WDR59: variants seen among roughly 807,000 people sequenced by gnomAD.
WDR59 encodes GATOR2 complex protein WDR59.
In WDR59, 100 loss-of-function variants were observed where a neutral mutation model predicts 131.2. That is an observed-to-expected ratio of 0.76 (90% CI 0.65 to 0.90). The LOEUF (loss-of-function observed/expected upper bound fraction) is 0.90. Among genes scored for constraint, WDR59 ranks in the 40% least tolerant of loss-of-function variants. WDR59 has a pLI of 0.00. For missense variants in WDR59, 1,203 were observed against 1,262.2 expected, an observed-to-expected ratio of 0.95 and a Z score of 0.71; for synonymous variants, 601 against 466.2, an observed-to-expected ratio of 1.29 and a Z score of -3.72.
intron 2 of WDR59, chr16:74,959,674 G>C: frequency 2.9e-6 from 1 of 346,796 alleles, no homozygotes; most frequent in South Asian, 2.4e-5. Flanking sequence ...CCCAGCTACT[G>C]AGAAGGCTGA....
chr16:74,922,374 G>C (rs2030329844), intron 9 of WDR59, among the ~76,000 whole-genome samples: 1 of 152,154 alleles, frequency 6.6e-6, no homozygotes, highest in Non-Finnish European at 1.5e-5. Flanking sequence ...AAATGGTACT[G>C]ATTGCTATGC....
chr16:74,921,186 A>C (rs1009147039), intron 10 of WDR59, among the ~76,000 whole-genome samples: 3 of 152,044 alleles, frequency 2.0e-5, no homozygotes, highest in African/African-American at 7.2e-5. Context: ...AGATTATTTC[A>C]TCACCCAGGT....
intron 3 of WDR59, among the ~76,000 whole-genome samples, chr16:74,952,767 TTATA>T (rs138680098): frequency 6.8e-6 from 1 of 147,562 alleles, no homozygotes; most frequent in Non-Finnish European, 1.5e-5. Context: ...ATTTTTTAAA[TTATA>T]TATATATATA....
chr16:74,889,087 G>A (rs1322365154), intron 21 of WDR59, among the ~76,000 whole-genome samples: 1 of 152,224 alleles, frequency 6.6e-6, no homozygotes, highest in Non-Finnish European at 1.5e-5. Flanking sequence ...ACGAACACGT[G>A]TCCCAGGGGT....
intron 11 of WDR59, among the ~76,000 whole-genome samples, chr16:74,916,847 A>C (rs1239340308): frequency 7.6e-6 from 1 of 132,408 alleles, no homozygotes; most frequent in African/African-American, 2.7e-5. Flanking sequence ...CAACAGAGAG[A>C]GACTCCATCT....
At chr16:74,903,419 C>T (rs1393889804) in intron 18 of WDR59, among the ~76,000 whole-genome samples, 1 of 151,806 alleles carries the variant, frequency 6.6e-6, no homozygotes, top group Non-Finnish European at 1.5e-5. Context: ...AAACTAGGCA[C>T]ATAAGGACAA....
intron 21 of WDR59, 76 bp from the exon 22 acceptor site, chr16:74,888,395 G>T (rs1964878212): frequency 1.4e-6 from 2 of 1,443,818 alleles, no homozygotes; most frequent in Non-Finnish European, 1.9e-6. Flanking sequence ...GTCATGGCGT[G>T]TTACTGCCAC....
intron 2 of WDR59, among the ~76,000 whole-genome samples, chr16:74,964,582 G>A (rs1430629540): frequency 6.6e-6 from 1 of 151,758 alleles, no homozygotes. Context: ...TTTTAAAAAA[G>A]GTAAATTAAA....
chr16:74,935,946 G>A (rs559999336), intron 8 of WDR59, among the ~76,000 whole-genome samples: 6 of 150,882 alleles, frequency 4.0e-5, no homozygotes, highest in Admixed American at 2.0e-4. Context: ...GCAGTGAGCC[G>A]AGATCGCGCC....
chr16:74,943,238 C>T (rs2032367709), intron 6 of WDR59, among the ~76,000 whole-genome samples: 1 of 120,880 alleles, frequency 8.3e-6, no homozygotes, highest in Non-Finnish European at 1.7e-5. Flanking sequence ...TATGCCTGCC[C>T]CCTTTTTTTT....
intron 6 of WDR59, among the ~76,000 whole-genome samples, chr16:74,945,833 T>G (rs886082946): frequency 3.3e-5 from 5 of 151,706 alleles, no homozygotes; most frequent in African/African-American, 1.2e-4. Context: ...TTTTTTTTTT[T>G]TTGAGACAGA....
chr16:74,955,429 G>A (rs987314731), intron 3 of WDR59, among the ~76,000 whole-genome samples: 4 of 152,086 alleles, frequency 2.6e-5, no homozygotes, highest in Non-Finnish European at 4.4e-5. Context: ...ATCAGGGGCC[G>A]AGGGTGAGAG....
chr16:74,916,126 C>T lies in WDR59; in HGVS notation c.1099+1G>A. ...CCTGAGACATCAGTTTGACAAATTA[C>T]CTTCTTCCTCCCCATGGCTTGCAGT... On this transcript the variant is annotated splice_donor_variant, in intron 12 of 25. Coordinates refer to ENST00000262144, the MANE Select transcript of WDR59 (RefSeq NM_030581.4). LOFTEE classifies it high-confidence loss of function. The T allele has an allele frequency of 6.2e-7, 1 of 1,614,176 alleles. No individual in the cohort carries two copies. Among genetic ancestry groups the T allele is most frequent in the Non-Finnish European group, 8.5e-7 (1 of 1,180,018 alleles).
At chr16:74,953,977 G>C (rs1328728871) in intron 3 of WDR59, among the ~76,000 whole-genome samples, 1 of 150,880 alleles carries the variant, frequency 6.6e-6, no homozygotes, top group Non-Finnish European at 1.5e-5. Flanking sequence ...ACTCCAGCCT[G>C]GGTGACAGAG....
Position 74,941,437 on chromosome 16 carries a change from T to A in WDR59, c.534+1301A>T, listed in dbSNP as rs375624941. Among the ~76,000 whole-genome samples, 277 of 151,940 alleles carry A rather than the reference T, an allele frequency of 1.8e-3. 1 individual carries two copies. The highest frequency in any genetic ancestry group is 6.4e-3 in the African/African-American group (267 of 41,440). On this transcript the variant is annotated intron_variant, in intron 7 of 25. Coordinates refer to ENST00000262144, the MANE Select transcript of WDR59 (RefSeq NM_030581.4). ...GGCCAGGCGTGGTGGCTCACGCCTA[T>A]AATCCCAGCACTTTGGGAGGCCGAG...
At chr16:74,972,878 GAAA>G (rs1030872306) in intron 1 of WDR59, among the ~76,000 whole-genome samples, 2 of 121,432 alleles carry the variant, frequency 1.6e-5, no homozygotes, top group African/African-American at 5.9e-5. Flanking sequence ...GCCACAAACT[GAAA>G]ACCACTGATT....
chr16:74,920,131 T>G (rs1201285458), intron 10 of WDR59, among the ~76,000 whole-genome samples: 1 of 151,898 alleles, frequency 6.6e-6, no homozygotes, highest in East Asian at 1.9e-4. Flanking sequence ...TGGAACAACC[T>G]TCAGCTGAGA....
rs762288713 is a variant in WDR59 at position 74,906,313 on chromosome 16, C to CAAAAAAAAAAAAAAAAAAAAAAAA, written c.1713-2214_1713-2213insTTTTTTTTTTTTTTTTTTTTTTTT. ...TGAGCGACAGAGCAAGACTCCGTCT[C>CAAAAAAAAAAAAAAAAAAAAAAAA]AAAAAAAAAAAAACCCACAGTGAGA... is the stretch of plus-strand genomic sequence containing the variant. On this transcript the variant is annotated intron_variant, in intron 17 of 25. Transcript: ENST00000262144. Among the ~76,000 whole-genome samples the CAAAAAAAAAAAAAAAAAAAAAAAA allele has an allele frequency of 1.8e-3, 58 of 32,452 alleles. 11 individuals carry two copies. The highest frequency in any genetic ancestry group is 6.0e-3 in the African/African-American group (53 of 8,894). The allele number at this position is 32,452 out of a possible 152,430, so 21.3% of individuals were successfully genotyped here. A position where few individuals can be genotyped will look rare whatever the true frequency, so the allele number is the denominator to read the frequency against.
chr16:74,899,814 G>A, intron 18 of WDR59: 1 of 1,168,822 alleles, frequency 8.6e-7, no homozygotes, highest in Non-Finnish European at 1.1e-6. Context: ...AAATTAAAAG[G>A]GAAAAATATA....
Sources: gnomAD v4.1 joint callset for allele counts (sites outside exome capture counted in the v4.1 genomes callset) on GRCh38, gnomAD v4.1.1 for gene constraint, MANE v1.5 for transcripts, NCBI Gene and HGNC (gene_info 2026-07-23, HGNC 2026-07-21) for gene names.